The following MCHR2 variants were observed in gnomAD, a reference collection of about 807,000 sequenced individuals.
MCHR2 encodes the protein melanin-concentrating hormone receptor 2.
MCHR2 carries 15 observed loss-of-function variants against 24.8 expected under a neutral mutation model. The observed-to-expected ratio is 0.60, with a 90% confidence interval of 0.40 to 0.93. The LOEUF is 0.93. Among genes scored for constraint, MCHR2 ranks in the 40% least tolerant of loss-of-function variants. The pLI is 0.00. For missense variants in MCHR2, 386 were observed against 408.7 expected, an observed-to-expected ratio of 0.94 and a Z score of 0.48; for synonymous variants, 151 against 147.6, an observed-to-expected ratio of 1.02 and a Z score of -0.17.
chr6:99,922,415 C>G (rs184550335), intron 5 of MCHR2, among the ~76,000 whole-genome samples: 282 of 152,168 alleles, frequency 1.9e-3, no homozygotes, highest in Non-Finnish European at 3.0e-3. Context: ...ACCCATTTGT[C>G]CATTTTTTGC....
intron 1 of MCHR2, among the ~76,000 whole-genome samples, chr6:99,978,639 C>T (rs565181902): frequency 1.6e-3 from 250 of 152,138 alleles, no homozygotes; most frequent in African/African-American, 5.7e-3. Flanking sequence ...AGGATGATCT[C>T]GATCTCGTGA....
At chr6:99,973,421 T>C (rs1487555526) in intron 1 of MCHR2, among the ~76,000 whole-genome samples, 1 of 152,168 alleles carries the variant, frequency 6.6e-6, no homozygotes, top group African/African-American at 2.4e-5. Context: ...GCTTGGTAGA[T>C]CTTCCTCCAT....
Position 99,947,968 on chromosome 6 carries a change from G to C in MCHR2, c.186C>G (p.Ser62=), listed in dbSNP as rs373621949. The C allele has an allele frequency of 8.7e-6, 14 of 1,612,424 alleles. No individual in the cohort carries two copies. The African/African-American group carries it at 1.7e-4, about 20-fold the overall frequency. ...AGATGTCAGGGACTGTTTTTTTCCT[G>C]GATCTGAAAGAGATAGAGGAAACTG... The part of the protein sequence containing the change: ...NILIVFTIIR[S]RKKTVPDIYI... Residue 62 remains serine (S), a synonymous_variant, in exon 3 of 6, where the codon TCC becomes TCG. Coordinates refer to ENST00000281806, the MANE Select transcript of MCHR2 (RefSeq NM_001040179.2).
At position 99,942,972 on chromosome 6, in the gene MCHR2, C is replaced by A. The variant is rs1197449858; in HGVS notation, c.564G>T (p.Leu188Phe). 3 of 1,611,610 alleles carry A rather than the reference C, an allele frequency of 1.9e-6. No individual in the cohort carries two copies. Among genetic ancestry groups the A allele is most frequent in the African/African-American group, 2.7e-5 (2 of 74,928 alleles). ...KDGVESCAFD[L>F]TSPDDVLWYT... is the part of the protein sequence containing the mutation. The stretch of plus-strand genomic sequence containing the variant: ...ACCAGAGTACATCGTCAGGGGATGT[C>A]AAATCAAAAGCACAACTCTCAACAC... Residue 188 changes from leucine to phenylalanine, a missense_variant, in exon 4 of 6, where the codon TTG becomes TTT. Leu to Phe is a conservative substitution (Grantham distance 22). Transcript: ENST00000281806.
intron 1 of MCHR2, among the ~76,000 whole-genome samples, chr6:99,982,108 A>G (rs976349912): frequency 2.6e-5 from 4 of 152,120 alleles, no homozygotes; most frequent in Admixed American, 6.5e-5. Flanking sequence ...TTCTATTCAG[A>G]TGGAACATCG....
chr6:99,944,246 G>C (rs976682825), intron 3 of MCHR2, among the ~76,000 whole-genome samples: 8 of 152,074 alleles, frequency 5.3e-5, no homozygotes, highest in Non-Finnish European at 1.2e-4. Flanking sequence ...AATGTATTTG[G>C]TCCTCCAGCA....
At chr6:99,981,269 A>G (rs1402878340) in intron 1 of MCHR2, among the ~76,000 whole-genome samples, 1 of 152,230 alleles carries the variant, frequency 6.6e-6, no homozygotes, top group African/African-American at 2.4e-5. Flanking sequence ...CAAAAAACAA[A>G]GATGTCTTAT....
At chr6:99,972,203 G>A (rs994646555) in intron 1 of MCHR2, among the ~76,000 whole-genome samples, 3 of 152,094 alleles carry the variant, frequency 2.0e-5, no homozygotes, top group Non-Finnish European at 4.4e-5. Context: ...GACTCTTTTT[G>A]GTTGGTAAGC....
At chr6:99,973,700 G>A (rs1255409922) in intron 1 of MCHR2, among the ~76,000 whole-genome samples, 6 of 152,164 alleles carry the variant, frequency 3.9e-5, no homozygotes, top group Non-Finnish European at 5.9e-5. Context: ...GGCTGGTACC[G>A]GTTTTTCCTT....
At chr6:99,959,821 CAAT>C (rs1037489400) in intron 1 of MCHR2, among the ~76,000 whole-genome samples, 5 of 145,246 alleles carry the variant, frequency 3.4e-5, no homozygotes, top group African/African-American at 1.0e-4. Flanking sequence ...TAAAAAGAAA[CAAT>C]AATAATAATG....
At chr6:99,941,889 G>A (rs189514902) in intron 4 of MCHR2, among the ~76,000 whole-genome samples, 60 of 151,788 alleles carry the variant, frequency 4.0e-4, no homozygotes, top group Admixed American at 9.8e-4. Context: ...GTCCTTTACC[G>A]CCATCTTTCT....
At chr6:99,967,097 A>C (rs568673334) in intron 1 of MCHR2, among the ~76,000 whole-genome samples, 1 of 152,210 alleles carries the variant, frequency 6.6e-6, no homozygotes, top group East Asian at 1.9e-4. Context: ...ACTTACTTGA[A>C]ATATGACCCC....
chr6:99,930,692 G>A (rs955972308), intron 5 of MCHR2, among the ~76,000 whole-genome samples: 1 of 152,096 alleles, frequency 6.6e-6, no homozygotes, highest in African/African-American at 2.4e-5. Context: ...AGCTCCATCA[G>A]CTCCTTTAAG....
At chr6:99,973,133 T>C (rs577599016) in intron 1 of MCHR2, among the ~76,000 whole-genome samples, 2 of 151,982 alleles carry the variant, frequency 1.3e-5, no homozygotes, top group East Asian at 3.9e-4. Context: ...ACTTTCTGTC[T>C]CGTTGATCTG....
At chr6:99,943,952 C>G (rs1057163097) in intron 3 of MCHR2, among the ~76,000 whole-genome samples, 1 of 152,154 alleles carries the variant, frequency 6.6e-6, no homozygotes, top group African/African-American at 2.4e-5. Context: ...AAGAGAATCC[C>G]TCAGCAGGAA....
chr6:99,975,468 C>T (rs1206489659), intron 1 of MCHR2, among the ~76,000 whole-genome samples: 1 of 152,210 alleles, frequency 6.6e-6, no homozygotes, highest in Non-Finnish European at 1.5e-5. Flanking sequence ...CAGGTATCGT[C>T]TGTCACCCCT....
intron 4 of MCHR2, among the ~76,000 whole-genome samples, chr6:99,935,243 T>C (rs2114506962): frequency 6.6e-6 from 1 of 152,206 alleles, no homozygotes; most frequent in African/African-American, 2.4e-5. Context: ...TCTAGCTATT[T>C]TGAAATGTAC....
intron 1 of MCHR2, among the ~76,000 whole-genome samples, chr6:99,985,537 C>G (rs188969859): frequency 6.6e-6 from 1 of 152,156 alleles, no homozygotes; most frequent in East Asian, 1.9e-4. Context: ...CCTCTACAAC[C>G]AATAATCTTT....
intron 5 of MCHR2, among the ~76,000 whole-genome samples, chr6:99,930,400 G>T (rs1195466056): frequency 2.0e-5 from 3 of 152,138 alleles, no homozygotes; most frequent in African/African-American, 7.2e-5. Flanking sequence ...CGCTAGATTG[G>T]GGAAGTTCTC....
Sources: gnomAD v4.1 joint callset for allele counts (sites outside exome capture counted in the v4.1 genomes callset) on GRCh38, gnomAD v4.1.1 for gene constraint, MANE v1.5 for transcripts, NCBI Gene and HGNC (gene_info 2026-07-23, HGNC 2026-07-21) for gene names.